The following SYT14 variants were observed in gnomAD, a reference collection of about 807,000 sequenced individuals.
SYT14 encodes synaptotagmin-14.
A neutral mutation model predicts 74.2 loss-of-function variants in SYT14; 32 were observed. The observed-to-expected ratio is 0.43, with a 90% confidence interval of 0.33 to 0.58. The LOEUF (loss-of-function observed/expected upper bound fraction) is 0.58. Among genes scored for constraint, SYT14 ranks in the 20% least tolerant of loss-of-function variants. The pLI, the probability that SYT14 is intolerant of heterozygous loss-of-function variation, is 0.05. For missense variants in SYT14, 791 were observed against 981.8 expected, an observed-to-expected ratio of 0.81 and a Z score of 2.60; for synonymous variants, 298 against 337.7, an observed-to-expected ratio of 0.88 and a Z score of 1.29.
At chr1:209,990,998 T>G (rs1209259858) in intron 2 of SYT14, among the ~76,000 whole-genome samples, 1 of 152,158 alleles carries the variant, frequency 6.6e-6, no homozygotes, top group Admixed American at 6.6e-5. Flanking sequence ...AGCAAACTGA[T>G]CTTTGATAAA....
intron 2 of SYT14, among the ~76,000 whole-genome samples, chr1:210,009,298 C>T (rs753758543): frequency 4.6e-5 from 7 of 152,008 alleles, no homozygotes; most frequent in Non-Finnish European, 8.8e-5. Flanking sequence ...GTTTAGTTCT[C>T]AGATAAGGAT....
intron 5 of SYT14, among the ~76,000 whole-genome samples, chr1:210,087,953 T>C (rs954970079): frequency 6.6e-6 from 1 of 152,216 alleles, no homozygotes; most frequent in African/African-American, 2.4e-5. Flanking sequence ...GTCTTTTTAA[T>C]GTCTGTGGGA....
intron 1 of SYT14, among the ~76,000 whole-genome samples, chr1:209,943,495 C>T (rs1268211702): frequency 2.0e-5 from 2 of 100,368 alleles, no homozygotes; most frequent in African/African-American, 4.1e-5. Context: ...GACAACAGAG[C>T]GAGATTCAAT....
intron 2 of SYT14, among the ~76,000 whole-genome samples, chr1:210,007,180 A>G (rs2080005373): frequency 6.6e-6 from 1 of 151,872 alleles, no homozygotes; most frequent in Non-Finnish European, 1.5e-5. Flanking sequence ...ATTTCTAAAT[A>G]TAAAGATATA....
chr1:210,080,831 A>G (rs1455154172), intron 5 of SYT14, among the ~76,000 whole-genome samples: 2 of 152,218 alleles, frequency 1.3e-5, no homozygotes, highest in Non-Finnish European at 1.5e-5. Flanking sequence ...ACATGCATGC[A>G]TAGATGGATG....
intron 6 of SYT14, among the ~76,000 whole-genome samples, chr1:210,096,506 G>A (rs1039448637): frequency 6.6e-5 from 10 of 152,182 alleles, no homozygotes; most frequent in African/African-American, 2.2e-4. Flanking sequence ...AGTATCGGTA[G>A]CAAGACCACA....
chr1:209,989,959 T>G (rs1159037691), intron 2 of SYT14, among the ~76,000 whole-genome samples: 1 of 152,132 alleles, frequency 6.6e-6, no homozygotes, highest in Non-Finnish European at 1.5e-5. Flanking sequence ...TTTCATCACG[T>G]TTAAAGCCAT....
In SYT14 at chr1:210,013,087, C is replaced by CTT. The variant is rs550149038; in HGVS notation, c.-485-533_-485-532dup. On this transcript the variant is annotated intron_variant, in intron 2 of 9. Coordinates refer to ENST00000637265, the Ensembl canonical transcript of SYT14. ...GATTGCCTATTTTATAGACTCCTGTCTTTTTTTTTTTTTTAGACAGTTTTG... is the reference window on the plus strand; with the variant it reads ...GATTGCCTATTTTATAGACTCCTGTCTTTTTTTTTTTTTTTTAGACAGTTTTG... Among the ~76,000 whole-genome samples, 105 of 139,694 alleles carry CTT rather than the reference C, an allele frequency of 7.5e-4. No homozygotes were observed. In the East Asian group the frequency reaches 0.015, roughly 20 times the overall value. The allele number at this position is 139,694 out of a possible 152,430, so 91.6% of individuals were successfully genotyped here. A position where few individuals can be genotyped will look rare whatever the true frequency, so the allele number is the denominator to read the frequency against.
chr1:209,975,240 C>T (rs1413046395), intron 2 of SYT14, among the ~76,000 whole-genome samples: 2 of 151,796 alleles, frequency 1.3e-5, no homozygotes, highest in African/African-American at 2.4e-5. Context: ...CCAGAACTTC[C>T]AACACTAATA....
intron 2 of SYT14, among the ~76,000 whole-genome samples, chr1:209,969,744 A>G (rs189025034): frequency 2.0e-4 from 31 of 151,740 alleles, no homozygotes; most frequent in Admixed American, 1.8e-3. Context: ...CTCCCAAAGT[A>G]CTGGGATTAC....
At chr1:209,970,001 C>T (rs1397060857) in intron 2 of SYT14, among the ~76,000 whole-genome samples, 1 of 152,014 alleles carries the variant, frequency 6.6e-6, no homozygotes, top group Admixed American at 6.6e-5. Flanking sequence ...AATATTTTCT[C>T]CCATTCTGCA....
intron 1 of SYT14, among the ~76,000 whole-genome samples, chr1:209,938,810 C>G (rs1487311632): frequency 6.6e-6 from 1 of 152,044 alleles, no homozygotes; most frequent in Non-Finnish European, 1.5e-5. Context: ...ACTCTCTGCC[C>G]GTTCCCCTTC....
intron 7 of SYT14, 119 bp downstream of exon 6, chr1:210,100,580 C>G (rs2082046351): frequency 1.0e-6 from 1 of 971,112 alleles, no homozygotes; most frequent in East Asian, 2.6e-5. Context: ...ACATAGTAAT[C>G]ATGCCTTTAC....
At chr1:209,997,823 A>T (rs1042320597) in intron 2 of SYT14, among the ~76,000 whole-genome samples, 5 of 152,094 alleles carry the variant, frequency 3.3e-5, no homozygotes, top group Admixed American at 1.3e-4. Context: ...GAAAGTAAAA[A>T]TTTATTATTT....
intron 7 of SYT14, among the ~76,000 whole-genome samples, chr1:210,121,915 A>G (rs2082475355): frequency 6.6e-6 from 1 of 152,120 alleles, no homozygotes; most frequent in Admixed American, 6.5e-5. Context: ...CTCATATTAC[A>G]TTGATACATA....
intron 2 of SYT14, among the ~76,000 whole-genome samples, chr1:209,998,658 C>G (rs1188707238): frequency 1.3e-5 from 2 of 152,040 alleles, no homozygotes; most frequent in African/African-American, 4.8e-5. Context: ...TTATATCCAA[C>G]TCATTTTGAC....
chr1:210,088,412 A>G (rs1300696245), intron 5 of SYT14, among the ~76,000 whole-genome samples: 2 of 151,846 alleles, frequency 1.3e-5, no homozygotes, highest in Admixed American at 1.3e-4. Flanking sequence ...ATATGTTCTC[A>G]TTGTTCAATT....
rs74710664 is a variant in SYT14 at position 210,041,095 on chromosome 1, C to T, written c.1312+19841C>T. Among the ~76,000 whole-genome samples the T allele has an allele frequency of 5.9e-3, 898 of 152,270 alleles. 11 individuals carry two copies. The highest frequency in any genetic ancestry group is 0.021 in the African/African-American group (868 of 41,566). ...AATGTGGGCAGTCAGCAGATGGCCT[C>T]AACCTGGGTAGGACAGATGGACATT... On this transcript the variant is annotated intron_variant, in intron 5 of 9. Transcript: ENST00000637265.
rs560139709 is a variant in SYT14, at chr1:209,941,611, A to G, written c.-534+3334A>G. Among the ~76,000 whole-genome samples the G allele has an allele frequency of 8.3e-4, 127 of 152,280 alleles. 1 individual carries two copies. The highest frequency in any genetic ancestry group is 6.8e-3 in the Middle Eastern group (2 of 294). The stretch of plus-strand genomic sequence containing the variant: ...CTGACCTAATGTTCTAGTGGCTTCC[A>G]TTCTTGACCCTGTTGCCATTGTCTG... On this transcript the variant is annotated intron_variant, in intron 1 of 9. Transcript: ENST00000637265.
Sources: gnomAD v4.1 joint callset for allele counts (sites outside exome capture counted in the v4.1 genomes callset) on GRCh38, gnomAD v4.1.1 for gene constraint, MANE v1.5 for transcripts, NCBI Gene and HGNC (gene_info 2026-07-23, HGNC 2026-07-21) for gene names.